Variants in NMNAT1 observed in about 807,000 individuals in gnomAD.
The protein encoded by NMNAT1 is nicotinamide nucleotide adenylyltransferase 1, also known as nicotinamide/nicotinic acid mononucleotide adenylyltransferase 1.
Under a neutral mutation model 16.7 loss-of-function variants are expected in NMNAT1, and 11 were observed. The observed-to-expected ratio is 0.66, with a 90% confidence interval of 0.41 to 1.09. The LOEUF (loss-of-function observed/expected upper bound fraction) is 1.09, where lower values mean the gene tolerates loss of function less well. Among genes scored for constraint, NMNAT1 ranks in the 50% least tolerant of loss-of-function variants. NMNAT1 has a pLI of 0.00. For missense variants in NMNAT1, 280 were observed against 332.3 expected (o/e 0.84, Z 1.22); for synonymous variants, 110 against 119.8 (o/e 0.92, Z 0.53).
Position 9,982,714 on chromosome 1 carries a change from A to C in NMNAT1, c.*13A>C. ...AGCTAAGACATAGGAATTCTACAGC[A>C]TGATATTTCAGACTTCCCATTTGGG... On this transcript the variant is annotated 3_prime_UTR_variant, in exon 5 of 5. Coordinates refer to ENST00000377205, the MANE Select transcript of NMNAT1 (RefSeq NM_022787.4). 6.4e-7 allele frequency: 1 copy of C among 1,573,380 alleles called. No homozygotes were observed. Among genetic ancestry groups the C allele is most frequent in the Non-Finnish European group, 8.6e-7 (1 of 1,160,024 alleles).
intron 1 of NMNAT1, among the ~76,000 whole-genome samples, chr1:9,966,829 A>C (rs1171245802): frequency 6.6e-6 from 1 of 152,188 alleles, no homozygotes; most frequent in African/African-American, 2.4e-5. Flanking sequence ...CAGGTTACAC[A>C]TAAAGGAACA....
chr1:9,947,852 T>G (rs1335556382), intron 1 of NMNAT1, among the ~76,000 whole-genome samples: 2 of 152,166 alleles, frequency 1.3e-5, no homozygotes, highest in African/African-American at 4.8e-5. Context: ...TGTCTTCACT[T>G]GTACCCTTGC....
chr1:9,996,829 C>T, the NMNAT1 span, among the ~76,000 whole-genome samples: 1 of 152,148 alleles, frequency 6.6e-6, no homozygotes, highest in Non-Finnish European at 1.5e-5. Flanking sequence ...GAATCATCAC[C>T]AGCAATCACT....
Position 9,981,052 on chromosome 1 carries a change from G to A in NMNAT1, c.321G>A (p.Glu107=). 6.2e-7 allele frequency: 1 copy of A among 1,609,066 alleles called. No homozygotes were observed. Among genetic ancestry groups the A allele is most frequent in the Non-Finnish European group, 8.5e-7 (1 of 1,178,806 alleles). The change falls in exon 4 of 5, where the codon GAG becomes GAA. Residue 107 remains glutamate (E), a synonymous_variant. Transcript: ENST00000377205. ...ATAGACACCATCAAGAGAAATTGGA[G>A]GCTAGTGACTGTGATCACCAGCAGA... ...KVLRHHQEKL[E]ASDCDHQQNS...
Position 9,957,061 on chromosome 1 carries a change from C to T in NMNAT1, c.-57+13546C>T, listed in dbSNP as rs1402493839. ...TTTTTATTTTTGAGGTGGAGTTTCGCTCTTGTCACCCAGGCTGGAGTTCAA... is the reference window on the plus strand; with the variant it reads ...TTTTTATTTTTGAGGTGGAGTTTCGTTCTTGTCACCCAGGCTGGAGTTCAA... On this transcript the variant is annotated intron_variant, in intron 1 of 4. Transcript: ENST00000377205. 2.6e-5 allele frequency among the ~76,000 whole-genome samples: 4 copies of T among 151,500 alleles called. No homozygotes were observed. The East Asian group carries it at 7.8e-4, about 30-fold the overall frequency.
At chr1:9,964,361 G>A (rs1641494490) in intron 1 of NMNAT1, among the ~76,000 whole-genome samples, 2 of 151,346 alleles carry the variant, frequency 1.3e-5, no homozygotes. Flanking sequence ...AACAAAATGA[G>A]ACTCCTTCTC....
chr1:9,948,392 T>C (rs556666182), intron 1 of NMNAT1, among the ~76,000 whole-genome samples: 1 of 152,204 alleles, frequency 6.6e-6, no homozygotes, highest in East Asian at 1.9e-4. Flanking sequence ...CTGGGCAATA[T>C]AGTGAAACCT....
chr1:9,943,250 T>A (rs1215425981), upstream of NMNAT1: 1 of 157,968 alleles, frequency 6.3e-6, no homozygotes, highest in Non-Finnish European at 1.4e-5. Flanking sequence ...CGGGCCTACC[T>A]GACAAAAACT....
chr1:9,963,496 A>G (rs987148152), intron 1 of NMNAT1, among the ~76,000 whole-genome samples: 1 of 150,400 alleles, frequency 6.6e-6, no homozygotes, highest in Admixed American at 6.7e-5. Flanking sequence ...TGCAACCTCC[A>G]TCTCCCGGGT....
chr1:9,974,483 G>A (rs1225056237), intron 2 of NMNAT1, among the ~76,000 whole-genome samples: 1 of 151,250 alleles, frequency 6.6e-6, no homozygotes, highest in Non-Finnish European at 1.5e-5. Flanking sequence ...CCGCCTCCCA[G>A]GCTCACACCA....
the NMNAT1 span, among the ~76,000 whole-genome samples, chr1:9,994,643 T>C: frequency 3.8e-5 from 5 of 132,190 alleles, no homozygotes; most frequent in Non-Finnish European, 6.2e-5. Flanking sequence ...GACGGAGTCT[T>C]GCTCTGTCCC....
At chr1:9,986,698 A>G (rs1642049804), downstream of NMNAT1, among the ~76,000 whole-genome samples, 1 of 152,216 alleles carries the variant, frequency 6.6e-6, no homozygotes, top group Non-Finnish European at 1.5e-5. Context: ...CCTGGGCAAC[A>G]TGGCAAAACC....
chr1:9,967,508 GGAAAGAGATGAA>G (rs1210722598), intron 1 of NMNAT1: 1 of 152,230 alleles, frequency 6.6e-6, no homozygotes, highest in East Asian at 1.9e-4. Context: ...ATCTAACCCA[GGAAAGAGATGAA>G]GAAGTTTTCA....
the NMNAT1 span, among the ~76,000 whole-genome samples, chr1:9,993,974 C>T: frequency 1.3e-5 from 2 of 151,936 alleles, no homozygotes; most frequent in Admixed American, 6.6e-5. Flanking sequence ...TATATGACCT[C>T]GGGCAAGTTA....
intron 1 of NMNAT1, among the ~76,000 whole-genome samples, chr1:9,953,465 G>A (rs1641168990): frequency 1.4e-5 from 2 of 145,952 alleles, no homozygotes; most frequent in African/African-American, 2.5e-5. Context: ...TTTTTGAGAC[G>A]GAGTCTCACT....
chr1:9,961,687 A>C (rs1454339825), intron 1 of NMNAT1, among the ~76,000 whole-genome samples: 2 of 152,164 alleles, frequency 1.3e-5, no homozygotes, highest in Non-Finnish European at 2.9e-5. Flanking sequence ...AGTGACTACT[A>C]CTGAACCTTC....
At chr1:9,989,326 C>T (rs530173962), downstream of NMNAT1, among the ~76,000 whole-genome samples, 6 of 152,116 alleles carry the variant, frequency 3.9e-5, no homozygotes, top group South Asian at 8.3e-4. Context: ...GGCATGGTGG[C>T]GGGCGCCTGT....
chr1:9,966,504 T>C (rs1386060364), intron 1 of NMNAT1, among the ~76,000 whole-genome samples: 1 of 151,642 alleles, frequency 6.6e-6, no homozygotes, highest in Non-Finnish European at 1.5e-5. Flanking sequence ...TCTTAGCTAC[T>C]CAGGAGGCTG....
intron 1 of NMNAT1, among the ~76,000 whole-genome samples, chr1:9,953,451 T>TA (rs931579694): frequency 9.6e-4 from 145 of 150,776 alleles, no homozygotes; most frequent in Non-Finnish European, 1.6e-3. Context: ...TAATTTTGTT[T>TA]TTTTTTTTGA....
Sources: gnomAD v4.1 joint callset for allele counts (sites outside exome capture counted in the v4.1 genomes callset) on GRCh38, gnomAD v4.1.1 for gene constraint, MANE v1.5 for transcripts, NCBI Gene and HGNC (gene_info 2026-07-23, HGNC 2026-07-21) for gene names.